Variants in UBE2O observed in about 807,000 individuals in gnomAD.
UBE2O encodes the protein ubiquitin conjugating enzyme E2 O.
A neutral mutation model predicts 125.8 loss-of-function variants in UBE2O; 15 were observed. That is an observed-to-expected ratio of 0.12 (90% CI 0.08 to 0.18). UBE2O has a LOEUF of 0.18. UBE2O is among the 10% of genes least tolerant of loss of function. The pLI, the probability that UBE2O is intolerant of heterozygous loss-of-function variation, is 1.00. For missense variants in UBE2O, 1,280 were observed against 1,723.6 expected (o/e 0.74, Z 4.56); for synonymous variants, 708 against 703.2 (o/e 1.01, Z -0.11).
chr17:76,426,761 T>C lies in UBE2O; in HGVS notation c.418-21189A>G, dbSNP rs145105650. On this transcript the variant is annotated intron_variant, in intron 1 of 17. Coordinates refer to ENST00000319380, the MANE Select transcript of UBE2O (RefSeq NM_022066.4). Reference sequence around the variant, plus strand: ...GTTGGGACTTTGGTTTTTAATCCTCTCCAAATTAGTGACGATCACTTTCAG... The same window carrying C: ...GTTGGGACTTTGGTTTTTAATCCTCCCCAAATTAGTGACGATCACTTTCAG... 1.7e-3 allele frequency among the ~76,000 whole-genome samples: 259 copies of C among 152,314 alleles called. 1 individual carries two copies. Among genetic ancestry groups the C allele is most frequent in the Admixed American group, 3.5e-3 (53 of 15,298 alleles).
intron 1 of UBE2O, among the ~76,000 whole-genome samples, chr17:76,416,033 A>ATACG (rs2072604079): frequency 1.3e-4 from 19 of 149,570 alleles, no homozygotes; most frequent in African/African-American, 4.6e-4. Context: ...ACACACGTAT[A>ATACG]TATGTGTGTG....
intron 1 of UBE2O, among the ~76,000 whole-genome samples, chr17:76,441,776 T>C (rs1159125522): frequency 2.0e-5 from 3 of 152,070 alleles, no homozygotes; most frequent in Non-Finnish European, 4.4e-5. Context: ...TCTCTTCACT[T>C]CCCCCTCCCC....
Position 76,399,542 on chromosome 17 carries a change from C to T in UBE2O, c.1535G>A (p.Arg512His), listed in dbSNP as rs149783036. Residue 512 changes from arginine (R) to histidine (H), a missense_variant, in exon 9 of 18, where the codon CGC becomes CAC. Coordinates refer to ENST00000319380, the MANE Select transcript of UBE2O (RefSeq NM_022066.4). This position sits in a 1 kb window ranked among gnomAD's most constrained non-coding sequence, Gnocchi z 6.9. ...TSSQSGSGTS[R>H]KKSIPLSIKN... is the part of the protein sequence containing the mutation. Reference sequence around the variant, plus strand: ...GATGGACAAGGGGATGCTCTTTTTGCGACTCGTGCCGCTGCCGCTCTGGGA... The same window carrying T: ...GATGGACAAGGGGATGCTCTTTTTGTGACTCGTGCCGCTGCCGCTCTGGGA... 1.9e-4 allele frequency: 312 copies of T among 1,613,976 alleles called. No individual in the cohort carries two copies. The highest frequency in any genetic ancestry group is 7.8e-4 in the Admixed American group (47 of 59,996).
chr17:76,416,508 A>T (rs570534705), intron 1 of UBE2O, among the ~76,000 whole-genome samples: 6 of 152,280 alleles, frequency 3.9e-5, no homozygotes, highest in African/African-American at 1.4e-4. Flanking sequence ...GGAGAAGAGG[A>T]GCCCTGGAGG....
intron 1 of UBE2O, among the ~76,000 whole-genome samples, chr17:76,449,687 G>A (rs920775057): frequency 6.6e-6 from 1 of 152,186 alleles, no homozygotes; most frequent in African/African-American, 2.4e-5. Context: ...GGGAGGCCGA[G>A]GCGGGCGGAT....
chr17:76,391,416 A>T lies in UBE2O; in HGVS notation c.3406T>A (p.Trp1136Arg). 6.2e-7 allele frequency: 1 copy of T among 1,613,618 alleles called. No individual in the cohort carries two copies. Among genetic ancestry groups the T allele is most frequent in the Non-Finnish European group, 8.5e-7 (1 of 1,180,036 alleles). ...EIRQHFSTGGWRLVNRIESWL... is the reference protein window; with the variant it reads ...EIRQHFSTGGRRLVNRIESWL... The stretch of plus-strand genomic sequence containing the variant: ...GACTCGATACGGTTCACCAGCCGCC[A>T]GCCACCAGTGCTAAAGTGTTGCCTG... Residue 1136 changes from tryptophan (W) to arginine (R), a missense_variant, in exon 18 of 18, where the codon TGG becomes AGG. By Grantham distance (101) the Trp-to-Arg change is moderately radical. Around this residue, in one of 10 missense-constraint regions of UBE2O, gnomAD observed 233 missense variants for 279.0 expected, o/e 0.84. Transcript: ENST00000319380. The surrounding 1 kb of genome is among the most constrained non-coding windows in gnomAD (Gnocchi z 8.4).
intron 1 of UBE2O, among the ~76,000 whole-genome samples, chr17:76,421,810 T>C (rs537057600): frequency 6.6e-6 from 1 of 152,318 alleles, no homozygotes. Flanking sequence ...GTGCTTCCCA[T>C]TTCTCCCATC....
At chr17:76,444,854 T>C (rs1401711891) in intron 1 of UBE2O, among the ~76,000 whole-genome samples, 2 of 152,236 alleles carry the variant, frequency 1.3e-5, no homozygotes, top group African/African-American at 4.8e-5. Flanking sequence ...AATACCGGGA[T>C]GCTTTCAGCA....
chr17:76,402,575 G>A lies in UBE2O; in HGVS notation c.686+27C>T, dbSNP rs768194210. 35 of 1,596,618 alleles carry A rather than the reference G, an allele frequency of 2.2e-5. No individual in the cohort carries two copies. The highest frequency in any genetic ancestry group is 1.5e-4 in the South Asian group (14 of 90,726). ...TCCAAGAGGCTATCCTTCCCAAGCC[G>A]ATGGCTCTCTGGTGGTGAGACTCTA... On this transcript the variant is annotated intron_variant, in intron 4 of 17. Coordinates refer to ENST00000319380, the MANE Select transcript of UBE2O (RefSeq NM_022066.4). The surrounding 1 kb of genome is among the most constrained non-coding windows in gnomAD (Gnocchi z 5.4).
rs773277602 is a variant in UBE2O at position 76,391,846 on chromosome 17, C to T, written c.3151-33G>A. The T allele has an allele frequency of 3.1e-6, 5 of 1,614,004 alleles. No individual in the cohort carries two copies. The highest frequency in any genetic ancestry group is 4.2e-6 in the Non-Finnish European group (5 of 1,179,978). ...ACACAGGGCACCATCAATTCTGTTC[C>T]CCAGGCCCCTATCCACCAGTGGCTC... On this transcript the variant is annotated intron_variant, in intron 16 of 17. Transcript: ENST00000319380. This position sits in a 1 kb window ranked among gnomAD's most constrained non-coding sequence, Gnocchi z 8.4.
chr17:76,424,529 G>A (rs2072771724), intron 1 of UBE2O, among the ~76,000 whole-genome samples: 1 of 151,794 alleles, frequency 6.6e-6, no homozygotes, highest in Non-Finnish European at 1.5e-5. Context: ...TTTTATATTC[G>A]TTACATTCTG....
At chr17:76,442,067 T>C (rs1354607153) in intron 1 of UBE2O, among the ~76,000 whole-genome samples, 1 of 149,012 alleles carries the variant, frequency 6.7e-6, no homozygotes, top group Non-Finnish European at 1.5e-5. Context: ...AATCTGCCAT[T>C]TGTCAAGTGC....
In UBE2O at chr17:76,392,017, C is replaced by T. The variant is rs769885486; in HGVS notation, c.3043G>A (p.Val1015Met). The change falls in exon 16 of 18, where the codon GTG becomes ATG. Residue 1015 changes from valine (V) to methionine (M), a missense_variant. Around this residue, in one of 10 missense-constraint regions of UBE2O, gnomAD observed 37 missense variants for 115.6 expected, o/e 0.32. Coordinates refer to ENST00000319380, the MANE Select transcript of UBE2O (RefSeq NM_022066.4). ...DIQLPNIYPA[V>M]PPHFCYLSQC... ...GAGAGGTAGCAGAAGTGGGGGGGCA[C>T]GGCTGGGTAGATGTTGGGGAGCTGG... is the stretch of plus-strand genomic sequence containing the variant. 21 of 1,578,356 alleles carry T rather than the reference C, an allele frequency of 1.3e-5. No individual in the cohort carries two copies. The highest frequency in any genetic ancestry group is 4.6e-5 in the East Asian group (2 of 43,680).
rs193125452 is a variant in UBE2O, at chr17:76,425,317, T to A, written c.418-19745A>T. 1.4e-3 allele frequency among the ~76,000 whole-genome samples: 220 copies of A among 151,900 alleles called. 1 individual carries two copies. The highest frequency in any genetic ancestry group is 4.8e-3 in the African/African-American group (197 of 41,458). On this transcript the variant is annotated intron_variant, in intron 1 of 17. Coordinates refer to ENST00000319380, the MANE Select transcript of UBE2O (RefSeq NM_022066.4). ...CTACTTGGCTCATATTGTATTTTTT[T>A]AAATAATAGTTTAGCTTAATTGTAT...
chr17:76,420,842 G>C (rs2072699162), intron 1 of UBE2O, among the ~76,000 whole-genome samples: 1 of 152,094 alleles, frequency 6.6e-6, no homozygotes, highest in Non-Finnish European at 1.5e-5. Flanking sequence ...GCCCGAGACA[G>C]GCTGACCCCA....
At chr17:76,437,039 C>T (rs1378423444) in intron 1 of UBE2O, among the ~76,000 whole-genome samples, 1 of 151,884 alleles carries the variant, frequency 6.6e-6, no homozygotes, top group Non-Finnish European at 1.5e-5. Flanking sequence ...ATCCTAGCTG[C>T]TCAGGAGGCT....
rs2072407883 is a variant in UBE2O, at chr17:76,405,841, C to T, written c.418-269G>A. On this transcript the variant is annotated intron_variant, in intron 1 of 17. Transcript: ENST00000319380. This position sits in a 1 kb window ranked among gnomAD's most constrained non-coding sequence, Gnocchi z 6.1. The stretch of plus-strand genomic sequence containing the variant: ...CACTTGGCTTGCCGGAGGTAGCCTT[C>T]CTCACACTGAACAGTGCAGCTCAAT... 6.6e-6 allele frequency among the ~76,000 whole-genome samples: 1 copy of T among 152,216 alleles called. No individual in the cohort carries two copies. The highest frequency in any genetic ancestry group is 2.1e-4 in the South Asian group (1 of 4,838).
In UBE2O at chr17:76,390,735, C is replaced by A. The variant is rs1658431848; in HGVS notation, c.*208G>T. Reference sequence around the variant, plus strand: ...TCCGATTTTCTTTGCCACAGGGGACCCGCCTGTTGAAAGCTCGCTTCAAAA... The same window carrying A: ...TCCGATTTTCTTTGCCACAGGGGACACGCCTGTTGAAAGCTCGCTTCAAAA... On this transcript the variant is annotated 3_prime_UTR_variant, in exon 18 of 18. Transcript: ENST00000319380. The A allele has an allele frequency of 2.1e-6, 1 of 476,084 alleles. No homozygotes were observed. The highest frequency in any genetic ancestry group is 2.0e-5 in the African/African-American group (1 of 50,102). 29.5% of individuals were successfully genotyped at this position (476,084 alleles called of 1,614,324 possible). A position where few individuals can be genotyped will look rare whatever the true frequency, so the allele number is the denominator to read the frequency against.
intron 1 of UBE2O, among the ~76,000 whole-genome samples, chr17:76,447,839 A>T (rs1598626838): frequency 6.6e-6 from 1 of 152,188 alleles, no homozygotes; most frequent in Non-Finnish European, 1.5e-5. Flanking sequence ...CCTCTTTCTC[A>T]TGGAAGTGAT....
Sources: allele counts gnomAD v4.1 joint callset (sites outside exome capture counted in the v4.1 genomes callset), GRCh38; gene constraint gnomAD v4.1.1; regional missense constraint gnomAD v4.1.1; non-coding constraint Gnocchi (gnomAD v3.1); transcripts MANE v1.5; gene names NCBI Gene and HGNC (gene_info 2026-07-23, HGNC 2026-07-21).